Variants in CERT1 observed in about 807,000 individuals in gnomAD.
The protein encoded by CERT1 is ceramide transporter 1.
Under a neutral mutation model 87.9 loss-of-function variants are expected in CERT1, and 31 were observed. The observed-to-expected ratio is 0.35, with a 90% CI of 0.27 to 0.48. CERT1 has a LOEUF of 0.48. Among genes scored for constraint, CERT1 ranks in the 20% least tolerant of loss-of-function variants. The pLI is 0.99. For synonymous variants in CERT1, 289 were observed against 250.9 expected, an observed-to-expected ratio of 1.15 and a Z score of -1.44; for missense variants, 487 against 758.0, an observed-to-expected ratio of 0.64 and a Z score of 4.20.
At position 75,506,130 on chromosome 5, in the gene CERT1, GGGGAA is replaced by G. The variant is rs1223709238; in HGVS notation, c.97-19_97-15del. The G allele has an allele frequency of 1.6e-5, 26 of 1,610,656 alleles. No individual in the cohort carries two copies. The highest frequency in any genetic ancestry group is 1.6e-4 in the Middle Eastern group (1 of 6,070). ...GTAGTTTGTCCACTGGGAGTGGGAA[GGGGAA>G]GGGAAGAGAGAAGAAAACAAAAAAT... On this transcript the variant is annotated splice_polypyrimidine_tract_variant and intron_variant, in intron 1 of 16. Transcript: ENST00000643780.
intron 3 of CERT1, among the ~76,000 whole-genome samples, chr5:75,448,002 A>G (rs1764627231): frequency 6.6e-6 from 1 of 152,236 alleles, no homozygotes; most frequent in Admixed American, 6.5e-5. Flanking sequence ...AGGAGTCAAT[A>G]ACATTTATGT....
downstream of CERT1, chr5:75,375,235 A>G (rs1474778482): frequency 1.3e-5 from 2 of 152,788 alleles, no homozygotes; most frequent in Non-Finnish European, 2.9e-5. Flanking sequence ...TATGAGAGAG[A>G]GGCCTGCCTT....
intron 2 of CERT1, among the ~76,000 whole-genome samples, chr5:75,498,214 A>T (rs893811466): frequency 6.6e-6 from 1 of 152,236 alleles, no homozygotes; most frequent in African/African-American, 2.4e-5. Flanking sequence ...AGAGCATAAA[A>T]GTTTGGAAAA....
intron 7 of CERT1, among the ~76,000 whole-genome samples, chr5:75,413,325 A>T (rs769694965): frequency 2.0e-5 from 3 of 152,232 alleles, no homozygotes; most frequent in Non-Finnish European, 4.4e-5. Flanking sequence ...CACAAAGCAA[A>T]CTACTTCTAA....
intron 16 of CERT1, among the ~76,000 whole-genome samples, chr5:75,379,871 T>G (rs989059717): frequency 5.9e-5 from 9 of 152,140 alleles, no homozygotes; most frequent in African/African-American, 1.9e-4. Flanking sequence ...GCTGAGTCAC[T>G]GTACCCAGCT....
At chr5:75,385,291 G>A (rs541411270) in intron 13 of CERT1, among the ~76,000 whole-genome samples, 23 of 152,164 alleles carry the variant, frequency 1.5e-4, no homozygotes, top group South Asian at 6.2e-4. Context: ...TGACCAACAC[G>A]GCAAAACCCC....
At chr5:75,406,164 T>C (rs1467776344) in intron 8 of CERT1, among the ~76,000 whole-genome samples, 1 of 152,268 alleles carries the variant, frequency 6.6e-6, no homozygotes, top group Non-Finnish European at 1.5e-5. Flanking sequence ...TGTTGATCTT[T>C]CCAGTCAGTC....
chr5:75,439,829 T>C (rs998671217), intron 3 of CERT1, among the ~76,000 whole-genome samples: 2 of 152,072 alleles, frequency 1.3e-5, no homozygotes, highest in Non-Finnish European at 2.9e-5. Context: ...CAGGTCAATA[T>C]AAATATATTA....
chr5:75,427,729 G>T lies in CERT1; in HGVS notation c.349-1251C>A, dbSNP rs577712957. Among the ~76,000 whole-genome samples the T allele has an allele frequency of 2.0e-4, 30 of 152,104 alleles. 1 individual carries two copies. The highest frequency in any genetic ancestry group is 1.1e-3 in the Admixed American group (17 of 15,284). On this transcript the variant is annotated intron_variant, in intron 3 of 16. Transcript: ENST00000643780. ...AATCCTGCTCCTCTGTACTATTATG[G>T]TTCTAGGTAAGTATTTATATTGAAC...
At chr5:75,465,340 C>T (rs1765414223) in intron 2 of CERT1, among the ~76,000 whole-genome samples, 1 of 152,200 alleles carries the variant, frequency 6.6e-6, no homozygotes, top group Non-Finnish European at 1.5e-5. Context: ...AAATATCCTG[C>T]CAAACACTTG....
At chr5:75,401,686 A>G (rs952032997) in intron 9 of CERT1, 1 of 152,204 alleles carries the variant, frequency 6.6e-6, no homozygotes, top group Non-Finnish European at 1.5e-5. Context: ...AATTAATGTG[A>G]CATGAACTTT....
intron 4 of CERT1, 106 bp from the exon 5 acceptor site, chr5:75,425,605 G>A (rs1056089313): frequency 6.7e-6 from 7 of 1,040,802 alleles, no homozygotes; most frequent in Non-Finnish European, 7.0e-6. Context: ...TTATAACTGA[G>A]GGCATGGGAT....
chr5:75,384,842 A>G lies in CERT1; in HGVS notation c.1418-130T>C, dbSNP rs536109127. ...CAGGATCCTGCCCTATCTAGGTTACATCCAAATGGAAGGTAGCTAATACTT... is the reference window on the plus strand; with the variant it reads ...CAGGATCCTGCCCTATCTAGGTTACGTCCAAATGGAAGGTAGCTAATACTT... On this transcript the variant is annotated intron_variant, in intron 13 of 16. Transcript: ENST00000643780. 52 of 602,260 alleles carry G rather than the reference A, an allele frequency of 8.6e-5. No homozygotes were observed. In the South Asian group the frequency reaches 9.5e-4, roughly 11 times the overall value. The allele number at this position is 602,260 out of a possible 1,614,324, so 37.3% of individuals were successfully genotyped here. A position where few individuals can be genotyped will look rare whatever the true frequency, so the allele number is the denominator to read the frequency against.
At chr5:75,507,345 A>C (rs1460531740) in intron 1 of CERT1, among the ~76,000 whole-genome samples, 1 of 152,136 alleles carries the variant, frequency 6.6e-6, no homozygotes, top group Non-Finnish European at 1.5e-5. Context: ...TCCTGGGCTC[A>C]AGCGATCTGT....
chr5:75,470,088 A>C (rs1765641884), intron 2 of CERT1, among the ~76,000 whole-genome samples: 1 of 152,166 alleles, frequency 6.6e-6, no homozygotes, highest in African/African-American at 2.4e-5. Flanking sequence ...GGAGAGAAAG[A>C]CTACACACAA....
At chr5:75,466,270 C>G (rs1332319399) in intron 2 of CERT1, among the ~76,000 whole-genome samples, 1 of 152,206 alleles carries the variant, frequency 6.6e-6, no homozygotes, top group Non-Finnish European at 1.5e-5. Context: ...CCATCAGCAT[C>G]TGCCCAGCAA....
At chr5:75,404,315 C>A (rs181924040) in intron 8 of CERT1, among the ~76,000 whole-genome samples, 407 of 95,592 alleles carry the variant, frequency 4.3e-3, no homozygotes, top group Middle Eastern at 0.013. Flanking sequence ...AAAAAAAAAA[C>A]AACTTTCTAT....
At chr5:75,470,617 A>G (rs1580816765) in intron 2 of CERT1, among the ~76,000 whole-genome samples, 2 of 152,214 alleles carry the variant, frequency 1.3e-5, no homozygotes, top group East Asian at 3.8e-4. Context: ...AATGTACCTC[A>G]ACACACTAAA....
chr5:75,462,456 T>C (rs1162760281), intron 2 of CERT1, among the ~76,000 whole-genome samples: 2 of 152,218 alleles, frequency 1.3e-5, no homozygotes, highest in African/African-American at 2.4e-5. Flanking sequence ...GCTGCTGATC[T>C]GACAGGAGGC....
Sources: allele counts gnomAD v4.1 joint callset (sites outside exome capture counted in the v4.1 genomes callset), GRCh38; gene constraint gnomAD v4.1.1; transcripts MANE v1.5; gene names NCBI Gene and HGNC (gene_info 2026-07-23, HGNC 2026-07-21).